Variants in TRERF1 observed in about 807,000 individuals in gnomAD.
TRERF1 encodes transcriptional regulating factor 1, also known as transcriptional-regulating factor 1.
In TRERF1, 27 loss-of-function variants were observed where a neutral mutation model predicts 122.9. The observed-to-expected ratio is 0.22, with a 90% CI of 0.16 to 0.30. The LOEUF (loss-of-function observed/expected upper bound fraction) is 0.30, where lower values mean the gene tolerates loss of function less well. TRERF1 is among the 10% of genes least tolerant of loss of function. The probability of loss-of-function intolerance (pLI) is 1.00; values close to 1 mark genes in which losing one functional copy is unlikely to be tolerated. For synonymous variants in TRERF1, 636 were observed against 641.7 expected (o/e 0.99, Z 0.13); for missense variants, 1,248 against 1,560.3 (o/e 0.80, Z 3.37).
intron 3 of TRERF1, among the ~76,000 whole-genome samples, chr6:42,333,374 C>T (rs1361363477): frequency 6.6e-6 from 1 of 152,182 alleles, no homozygotes; most frequent in Non-Finnish European, 1.5e-5. Context: ...AGTTACAAGC[C>T]TCTTCATGAG....
At chr6:42,381,063 C>G (rs1775825805) in intron 2 of TRERF1, among the ~76,000 whole-genome samples, 1 of 152,206 alleles carries the variant, frequency 6.6e-6, no homozygotes, top group African/African-American at 2.4e-5. Context: ...CCCCATCAGA[C>G]TGGGAGGTCC....
intron 4 of TRERF1, among the ~76,000 whole-genome samples, chr6:42,279,479 T>C (rs1456709243): frequency 2.0e-5 from 3 of 152,224 alleles, no homozygotes; most frequent in Non-Finnish European, 4.4e-5. Flanking sequence ...AGAGGGGAAG[T>C]GGGCTGGCAG....
intron 3 of TRERF1, among the ~76,000 whole-genome samples, chr6:42,340,872 C>T (rs975186472): frequency 1.2e-4 from 19 of 152,206 alleles, no homozygotes; most frequent in African/African-American, 4.6e-4. Context: ...GGAAGTTTCT[C>T]CTTCCTCCAT....
At chr6:42,410,338 G>T (rs986668886) in intron 2 of TRERF1, among the ~76,000 whole-genome samples, 1 of 149,604 alleles carries the variant, frequency 6.7e-6, no homozygotes, top group Non-Finnish European at 1.5e-5. Flanking sequence ...CTGTAGAGAT[G>T]GGGTCTCACT....
intron 3 of TRERF1, among the ~76,000 whole-genome samples, chr6:42,308,250 T>G (rs1159818204): frequency 1.3e-5 from 2 of 152,196 alleles, no homozygotes; most frequent in Non-Finnish European, 1.5e-5. Context: ...GATAAACAAA[T>G]GTGTTATATT....
intron 2 of TRERF1, among the ~76,000 whole-genome samples, chr6:42,372,296 T>C (rs1008123544): frequency 2.0e-5 from 3 of 152,224 alleles, no homozygotes; most frequent in African/African-American, 7.2e-5. Context: ...TTGGCTTTTG[T>C]TGAGCTCTTA....
intron 3 of TRERF1, among the ~76,000 whole-genome samples, chr6:42,346,071 C>T (rs1223457863): frequency 6.6e-6 from 1 of 152,248 alleles, no homozygotes; most frequent in Non-Finnish European, 1.5e-5. Flanking sequence ...ACAGTGCTTA[C>T]TATATGTGTA....
At chr6:42,427,014 G>A (rs12200241) in intron 2 of TRERF1, among the ~76,000 whole-genome samples, 7,337 of 151,672 alleles carry the variant, frequency 0.048, 224 homozygotes, top group Non-Finnish European at 0.068. Flanking sequence ...AGGGCTGGGC[G>A]CAGTGATTCA....
intron 2 of TRERF1, among the ~76,000 whole-genome samples, chr6:42,392,505 T>A (rs555419212): frequency 6.6e-6 from 1 of 152,310 alleles, no homozygotes; most frequent in East Asian, 1.9e-4. Context: ...CTCTTTATTA[T>A]ACCCTGGGCA....
intron 2 of TRERF1, among the ~76,000 whole-genome samples, chr6:42,399,385 C>T (rs570601116): frequency 2.0e-5 from 3 of 152,214 alleles, no homozygotes; most frequent in Non-Finnish European, 4.4e-5. Context: ...TAAATTCCAC[C>T]CCAGAGCTCC....
At chr6:42,341,732 G>GA (rs966825174) in intron 3 of TRERF1, among the ~76,000 whole-genome samples, 8 of 151,868 alleles carry the variant, frequency 5.3e-5, no homozygotes, top group Admixed American at 5.2e-4. Context: ...GTTGTTTCAC[G>GA]AAAAAAAATG....
At chr6:42,446,394 T>C (rs543414916) in intron 2 of TRERF1, among the ~76,000 whole-genome samples, 89 of 152,308 alleles carry the variant, frequency 5.8e-4, no homozygotes, top group African/African-American at 2.0e-3. Context: ...CTGCTTCATG[T>C]GCTGTCTCCC....
intron 2 of TRERF1, among the ~76,000 whole-genome samples, chr6:42,374,711 A>T (rs1562089449): frequency 6.6e-6 from 1 of 152,094 alleles, no homozygotes; most frequent in Non-Finnish European, 1.5e-5. Context: ...GGCAGTGTTT[A>T]AGACATAAGC....
chr6:42,405,469 A>G (rs1203782617), intron 2 of TRERF1, among the ~76,000 whole-genome samples: 1 of 152,118 alleles, frequency 6.6e-6, no homozygotes, highest in Non-Finnish European at 1.5e-5. Flanking sequence ...ACAAAGCAAA[A>G]TGCCTGGCAC....
intron 3 of TRERF1, among the ~76,000 whole-genome samples, chr6:42,325,676 C>T (rs1452590310): frequency 6.6e-6 from 1 of 152,178 alleles, no homozygotes; most frequent in African/African-American, 2.4e-5. Flanking sequence ...GAAATCAAGA[C>T]TAGGCTGGAG....
intron 2 of TRERF1, among the ~76,000 whole-genome samples, chr6:42,430,093 G>A (rs1288618216): frequency 6.6e-6 from 1 of 151,674 alleles, no homozygotes; most frequent in Non-Finnish European, 1.5e-5. Context: ...GAGGAGGAGA[G>A]CTGTAGAAAG....
chr6:42,354,855 A>T (rs1205703352), intron 3 of TRERF1, among the ~76,000 whole-genome samples: 1 of 152,140 alleles, frequency 6.6e-6, no homozygotes, highest in Non-Finnish European at 1.5e-5. Context: ...CGATGTTCTC[A>T]TCTATTTATT....
chr6:42,344,564 G>C (rs761636172), intron 3 of TRERF1, among the ~76,000 whole-genome samples: 5 of 152,126 alleles, frequency 3.3e-5, no homozygotes, highest in Non-Finnish European at 7.4e-5. Context: ...ACAGGAAAAT[G>C]CTTGAGTGCT....
chr6:42,237,034 T>A (rs1419494432), intron 15 of TRERF1, among the ~76,000 whole-genome samples: 1 of 152,258 alleles, frequency 6.6e-6, no homozygotes, highest in East Asian at 1.9e-4. Context: ...CATGTGCTTT[T>A]CCTTTTGTCT....
Sources: gnomAD v4.1 joint callset for allele counts (sites outside exome capture counted in the v4.1 genomes callset) on GRCh38, gnomAD v4.1.1 for gene constraint, MANE v1.5 for transcripts, NCBI Gene and HGNC (gene_info 2026-07-23, HGNC 2026-07-21) for gene names.